THEMIS: variants seen among roughly 807,000 people sequenced by gnomAD.
The protein encoded by THEMIS is thymocyte selection associated.
Under a neutral mutation model 52.6 loss-of-function variants are expected in THEMIS, and 37 were observed. That is an observed-to-expected ratio of 0.70 (90% CI 0.54 to 0.93). The LOEUF (loss-of-function observed/expected upper bound fraction) is 0.93, where lower values mean the gene tolerates loss of function less well. Among genes scored for constraint, THEMIS ranks in the 40% least tolerant of loss-of-function variants. The pLI is 0.00. For synonymous variants in THEMIS, 292 were observed against 272.7 expected, an observed-to-expected ratio of 1.07 and a Z score of -0.70; for missense variants, 808 against 763.1, an observed-to-expected ratio of 1.06 and a Z score of -0.69.
At chr6:127,712,544 A>G (rs1174735101) in intron 5 of THEMIS, among the ~76,000 whole-genome samples, 1 of 151,934 alleles carries the variant, frequency 6.6e-6, no homozygotes, top group African/African-American at 2.4e-5. Flanking sequence ...TGGAAATGTC[A>G]CAAGTTCAAT....
intron 1 of THEMIS, among the ~76,000 whole-genome samples, chr6:127,893,876 C>G (rs1173154738): frequency 1.3e-5 from 2 of 151,664 alleles, no homozygotes; most frequent in South Asian, 2.1e-4. Context: ...AAAAATAGAA[C>G]CCCAAAATAT....
intron 1 of THEMIS, among the ~76,000 whole-genome samples, chr6:127,869,548 T>C (rs544745715): frequency 6.6e-6 from 1 of 152,318 alleles, no homozygotes; most frequent in African/African-American, 2.4e-5. Flanking sequence ...ACTACTAAGT[T>C]GGGGGCTGTC....
chr6:127,749,766 C>A (rs1775570334), intron 4 of THEMIS, among the ~76,000 whole-genome samples: 2 of 151,356 alleles, frequency 1.3e-5, no homozygotes, highest in Admixed American at 6.6e-5. Flanking sequence ...ATAAAACAGG[C>A]CTTATCTCCT....
intron 1 of THEMIS, among the ~76,000 whole-genome samples, chr6:127,866,771 C>A (rs1395364885): frequency 3.3e-5 from 5 of 151,648 alleles, no homozygotes; most frequent in Admixed American, 1.3e-4. Context: ...AAAAGATATA[C>A]ACACAAAGAA....
chr6:127,915,807 C>G (rs111737604), intron 1 of THEMIS, among the ~76,000 whole-genome samples: 9 of 151,708 alleles, frequency 5.9e-5, no homozygotes, highest in Non-Finnish European at 8.8e-5. Context: ...CCCAACATGA[C>G]GAAACCCCGT....
intron 4 of THEMIS, among the ~76,000 whole-genome samples, chr6:127,783,946 T>C (rs1402802530): frequency 2.6e-5 from 4 of 152,210 alleles, no homozygotes; most frequent in Non-Finnish European, 5.9e-5. Flanking sequence ...CGTATGTTTA[T>C]TGCAGCACTG....
At position 127,838,401 on chromosome 6, in the gene THEMIS, C is replaced by T. The variant is rs572295970; in HGVS notation, c.251-8467G>A. Among the ~76,000 whole-genome samples the T allele has an allele frequency of 2.1e-4, 32 of 152,128 alleles. No individual in the cohort carries two copies. The South Asian group carries it at 6.2e-3, about 30-fold the overall frequency. On this transcript the variant is annotated intron_variant, in intron 2 of 5. Transcript: ENST00000368248. ...ATTTCTTCTAAGCTTTGTCCATTTT[C>T]CTATTAGTGTTCTACTAGAATATTT...
At chr6:127,701,402 C>A in the THEMIS span, among the ~76,000 whole-genome samples, 7 of 152,024 alleles carry the variant, frequency 4.6e-5, no homozygotes, top group Admixed American at 3.9e-4. Context: ...CAGTTTCCAT[C>A]GCGTGGTTAC....
intron 1 of THEMIS, among the ~76,000 whole-genome samples, chr6:127,879,282 T>C (rs1017807563): frequency 9.8e-5 from 15 of 152,322 alleles, no homozygotes; most frequent in African/African-American, 3.6e-4. Context: ...GTAACTCTTA[T>C]GTCTAACTCT....
downstream of THEMIS, among the ~76,000 whole-genome samples, chr6:127,704,593 A>C (rs1773776418): frequency 1.3e-5 from 2 of 152,202 alleles, no homozygotes; most frequent in Admixed American, 1.3e-4. Context: ...TGACAATAGA[A>C]CATTGTATAA....
Position 127,708,292 on chromosome 6 carries a change from C to T in THEMIS, c.*1693G>A, listed in dbSNP as rs1017945948. The stretch of plus-strand genomic sequence containing the variant: ...TTTTCAATATCAAGACAACTGGAAA[C>T]ACAGTATGTGAAAGGACTTATATTT... On this transcript the variant is annotated 3_prime_UTR_variant, in exon 6 of 6. Coordinates refer to ENST00000368248, the MANE Select transcript of THEMIS (RefSeq NM_001010923.3). 23 of 152,062 alleles carry T rather than the reference C, an allele frequency of 1.5e-4. No individual in the cohort carries two copies. Among genetic ancestry groups the T allele is most frequent in the Admixed American group, 1.3e-4 (2 of 15,262 alleles). The allele number at this position is 152,062 out of a possible 1,614,324, so 9.4% of individuals were successfully genotyped here.
At chr6:127,726,871 C>T (rs188387124) in intron 4 of THEMIS, among the ~76,000 whole-genome samples, 2 of 152,108 alleles carry the variant, frequency 1.3e-5, no homozygotes, top group African/African-American at 4.8e-5. Context: ...TAGCCAAAGA[C>T]GAAATGAAGA....
chr6:127,820,964 G>C (rs1195233844), intron 3 of THEMIS, among the ~76,000 whole-genome samples: 1 of 151,866 alleles, frequency 6.6e-6, no homozygotes, highest in Non-Finnish European at 1.5e-5. Flanking sequence ...TTATATCTAA[G>C]AATCTCTCCT....
upstream of THEMIS, among the ~76,000 whole-genome samples, chr6:127,902,335 A>AT (rs1202190412): frequency 4.0e-5 from 6 of 150,074 alleles, no homozygotes; most frequent in Admixed American, 1.3e-4. Context: ...AAAAAAAAAA[A>AT]AAAAAAAAAA....
At position 127,823,391 on chromosome 6, in the gene THEMIS, T is replaced by C. The variant is rs576236209; in HGVS notation, c.709+6085A>G. Among the ~76,000 whole-genome samples the C allele has an allele frequency of 2.0e-5, 3 of 152,288 alleles. No individual in the cohort carries two copies. In the East Asian group the frequency reaches 5.8e-4, roughly 29 times the overall value. On this transcript the variant is annotated intron_variant, in intron 3 of 5. Transcript: ENST00000368248. ...TCCTTAGCTATTGAACTCATAAATA[T>C]GTCATCATAATAAGTCAAATCTGGA...
chr6:127,801,222 G>A (rs1238300568), intron 4 of THEMIS, among the ~76,000 whole-genome samples: 4 of 152,176 alleles, frequency 2.6e-5, no homozygotes, highest in East Asian at 1.9e-4. Flanking sequence ...TTGACCATAC[G>A]TAGAGAATAT....
Position 127,730,801 on chromosome 6 carries a change from T to C in THEMIS, c.1759-10978A>G, listed in dbSNP as rs149278731. Among the ~76,000 whole-genome samples the C allele has an allele frequency of 1.8e-3, 269 of 152,330 alleles. 1 individual carries two copies. The highest frequency in any genetic ancestry group is 6.1e-3 in the African/African-American group (254 of 41,586). On this transcript the variant is annotated intron_variant, in intron 4 of 5. Transcript: ENST00000368248. Reference sequence around the variant, plus strand: ...TTACTAAAGTTATGTTTTTATCTTTTAACTAAAGGGCCAGCTCAAGTGTGT... The same window carrying C: ...TTACTAAAGTTATGTTTTTATCTTTCAACTAAAGGGCCAGCTCAAGTGTGT...
At chr6:127,824,763 CTGGGATTGCAGGCG>C (rs1314249490) in intron 3 of THEMIS, among the ~76,000 whole-genome samples, 2 of 152,170 alleles carry the variant, frequency 1.3e-5, no homozygotes, top group Non-Finnish European at 2.9e-5. Context: ...CCCCAAAGTG[CTGGGATTGCAGGCG>C]TGAGCCACCG....
intron 1 of THEMIS, among the ~76,000 whole-genome samples, chr6:127,909,071 A>G (rs2114525486): frequency 6.6e-6 from 1 of 151,776 alleles, no homozygotes; most frequent in East Asian, 1.9e-4. Flanking sequence ...ACAAAAATAA[A>G]ATATTAAAAT....
Sources: gnomAD v4.1 joint callset for allele counts (sites outside exome capture counted in the v4.1 genomes callset) on GRCh38, gnomAD v4.1.1 for gene constraint, MANE v1.5 for transcripts, NCBI Gene and HGNC (gene_info 2026-07-23, HGNC 2026-07-21) for gene names.